Variants in FDPS observed in about 807,000 individuals in gnomAD.
FDPS encodes the protein farnesyl pyrophosphate synthase.
FDPS carries 29 observed loss-of-function variants against 49.5 expected under a neutral mutation model. The ratio of observed to expected loss-of-function variants is 0.59; its 90% confidence interval spans 0.44 to 0.80. The LOEUF (loss-of-function observed/expected upper bound fraction) is 0.80. FDPS is among the 30% of genes least tolerant of loss of function. The pLI is 0.00. For missense variants in FDPS, 414 were observed against 525.6 expected (o/e 0.79, Z 2.08); for synonymous variants, 172 against 206.4 (o/e 0.83, Z 1.43).
intron 4 of FDPS, among the ~76,000 whole-genome samples, chr1:155,316,441 G>A (rs1345968458): frequency 6.6e-6 from 1 of 152,056 alleles, no homozygotes; most frequent in East Asian, 1.9e-4. Flanking sequence ...AACATGACAA[G>A]ACCCTTGTCT....
chr1:155,318,632 G>A lies in FDPS; in HGVS notation c.685-33G>A. ...CCAGGGTTTCGCATATCTGGAGAAA[G>A]CCTGGCTCATGGACCGTCTTTGTCT... On this transcript the variant is annotated intron_variant, in intron 6 of 10. Coordinates refer to ENST00000368356, the MANE Select transcript of FDPS (RefSeq NM_002004.4). The surrounding 1 kb of genome is among the most constrained non-coding windows in gnomAD (Gnocchi z 4.2). 1.3e-6 allele frequency: 2 copies of A among 1,516,980 alleles called. No individual in the cohort carries two copies. The highest frequency in any genetic ancestry group is 1.8e-6 in the Non-Finnish European group (2 of 1,091,694). 94.0% of individuals were successfully genotyped at this position (1,516,980 alleles called of 1,614,324 possible). A position where few individuals can be genotyped will look rare whatever the true frequency, so the allele number is the denominator to read the frequency against.
chr1:155,315,496 G>C (rs1438005847), intron 4 of FDPS, among the ~76,000 whole-genome samples: 1 of 152,108 alleles, frequency 6.6e-6, no homozygotes, highest in Non-Finnish European at 1.5e-5. Flanking sequence ...TGGCTAACAT[G>C]GTGAAACCCC....
chr1:155,315,413 C>T (rs1007898194), intron 4 of FDPS, among the ~76,000 whole-genome samples: 9 of 152,202 alleles, frequency 5.9e-5, no homozygotes, highest in Admixed American at 2.0e-4. Flanking sequence ...GGCGCAGTGG[C>T]TCATGCCTGT....
intron 4 of FDPS, among the ~76,000 whole-genome samples, chr1:155,314,430 C>T (rs918341382): frequency 2.0e-5 from 3 of 151,764 alleles, no homozygotes. Context: ...CTGCCCATCT[C>T]GGCCTCCTAA....
Position 155,320,601 on chromosome 1 carries a change from A to G in FDPS, c.1252A>G (p.Arg418Gly), listed in dbSNP as rs773279259. Residue 418 changes from arginine to glycine, a missense_variant, in exon 11 of 11, where the codon AGA (arginine) becomes GGA (glycine). Transcript: ENST00000368356. ...GCTTGCGCGCAAAATCTACAAGCGG[A>G]GAAAGTGACCTAGAGATTGCAAGGG... ...LGLARKIYKR[R>G]K 1.9e-6 allele frequency: 3 copies of G among 1,614,154 alleles called. No homozygotes were observed. In the East Asian group the frequency reaches 6.7e-5, roughly 36 times the overall value.
rs1649692291 is a variant in FDPS, at chr1:155,318,119, A to G, written c.562-50A>G. 2.5e-6 allele frequency: 4 copies of G among 1,613,848 alleles called. No homozygotes were observed. The highest frequency in any genetic ancestry group is 1.7e-5 in the Admixed American group (1 of 59,998). ...AGGTGTTGGGGTGATGGCTCTTAGT[A>G]TGAACCGAGACTAGAGATTGATTGC... On this transcript the variant is annotated intron_variant, in intron 5 of 10. Transcript: ENST00000368356. The surrounding 1 kb of genome is among the most constrained non-coding windows in gnomAD (Gnocchi z 4.2).
At chr1:155,310,486 T>C (rs187080351) in intron 3 of FDPS, 169 of 373,562 alleles carry the variant, frequency 4.5e-4, no homozygotes, top group Admixed American at 6.8e-4. Context: ...AACTTTTGTA[T>C]TTTTAATAGA....
chr1:155,313,038 A>G (rs11264359), intron 4 of FDPS: 60,050 of 151,424 alleles, frequency 0.4, 14,282 homozygotes, highest in East Asian at 0.72. Context: ...CAGAAGCAGA[A>G]ATTGAAAACT....
At chr1:155,311,760 GTCAGTAGTTCGAAAC>G (rs1333827980) in intron 3 of FDPS, among the ~76,000 whole-genome samples, 1 of 152,070 alleles carries the variant, frequency 6.6e-6, no homozygotes, top group Non-Finnish European at 1.5e-5. Context: ...ATGACTTGAG[GTCAGTAGTTCGAAAC>G]CAGCCTAGCC....
In FDPS at chr1:155,319,686, C is replaced by A. The variant is rs1650033592; in HGVS notation, c.922C>A (p.Gln308Lys). ...GGAGATGGGGGAGTTCTTTCAGATTCAGGTAAGAAGGCAGGAGGCAGTAGC... is the reference window on the plus strand; with the variant it reads ...GGAGATGGGGGAGTTCTTTCAGATTAAGGTAAGAAGGCAGGAGGCAGTAGC... ...LLEMGEFFQI[Q>K]DDYLDLFGDP... Residue 308 changes from glutamine to lysine, a missense_variant and splice_region_variant, in exon 9 of 11, where the codon CAG becomes AAG. Coordinates refer to ENST00000368356, the MANE Select transcript of FDPS (RefSeq NM_002004.4). The A allele has an allele frequency of 6.2e-7, 1 of 1,614,044 alleles. No homozygotes were observed. Among genetic ancestry groups the A allele is most frequent in the Non-Finnish European group, 8.5e-7 (1 of 1,180,030 alleles).
At chr1:155,312,704 G>A (rs1648928452) in intron 4 of FDPS, 1 of 240,298 alleles carries the variant, frequency 4.2e-6, no homozygotes. Flanking sequence ...GAGGAGGCCG[G>A]GCATGGTGGC....
Position 155,318,800 on chromosome 1 carries a change from G to A in FDPS, c.773+47G>A, listed in dbSNP as rs1450286393. On this transcript the variant is annotated intron_variant, in intron 7 of 10. Transcript: ENST00000368356. This position sits in a 1 kb window ranked among gnomAD's most constrained non-coding sequence, Gnocchi z 4.2. Reference sequence around the variant, plus strand: ...CGCGAACCATGTCTGGACAGCGAGGGAGGGCTCAGGATGTGCATTGCCCTC... The same window carrying A: ...CGCGAACCATGTCTGGACAGCGAGGAAGGGCTCAGGATGTGCATTGCCCTC... The A allele has an allele frequency of 2.5e-6, 4 of 1,588,672 alleles. No individual in the cohort carries two copies. The African/African-American group carries it at 4.0e-5, about 16-fold the overall frequency.
Position 155,320,328 on chromosome 1 carries a change from T to C in FDPS, c.1060-81T>C, listed in dbSNP as rs1051611050. ...GGGTGGCTTTGGAGATGTTCTGGAA[T>C]ATGTGAATGAGGGGAGTGGAGGGGT... is the stretch of plus-strand genomic sequence containing the variant. On this transcript the variant is annotated intron_variant, in intron 10 of 10. Coordinates refer to ENST00000368356, the MANE Select transcript of FDPS (RefSeq NM_002004.4). 4 of 1,153,114 alleles carry C rather than the reference T, an allele frequency of 3.5e-6. No homozygotes were observed. In the East Asian group the frequency reaches 1.0e-4, roughly 29 times the overall value. The allele number at this position is 1,153,114 out of a possible 1,614,324, so 71.4% of individuals were successfully genotyped here.
chr1:155,318,360 C>T lies in FDPS; in HGVS notation c.684+69C>T. On this transcript the variant is annotated intron_variant, in intron 6 of 10. Transcript: ENST00000368356. This position sits in a 1 kb window ranked among gnomAD's most constrained non-coding sequence, Gnocchi z 4.2. ...AGCCTTGGCCTCTATAGGACATGCT[C>T]ATCTAGCTGGTTTCAGGGTACAGGA... The T allele has an allele frequency of 7.0e-6, 11 of 1,582,516 alleles. No individual in the cohort carries two copies. Among genetic ancestry groups the T allele is most frequent in the Non-Finnish European group, 8.6e-6 (10 of 1,164,380 alleles).
intron 3 of FDPS, among the ~76,000 whole-genome samples, chr1:155,311,745 G>T (rs888499421): frequency 1.3e-5 from 2 of 152,108 alleles, no homozygotes; most frequent in African/African-American, 4.8e-5. Flanking sequence ...GGCCAAGGCG[G>T]GTGGATGACT....
At chr1:155,312,604 T>C (rs1031395572) in intron 4 of FDPS, 85 of 572,932 alleles carry the variant, frequency 1.5e-4, no homozygotes, top group Admixed American at 2.9e-4. Flanking sequence ...TGGCTGTAGA[T>C]AGTTGTAGAC....
In FDPS at chr1:155,320,585, C is replaced by A. The variant is rs928106818; in HGVS notation, c.1236C>A (p.Arg412=). ...CAGCCGTCTTTCTGGGGCTTGCGCGCAAAATCTACAAGCGGAGAAAGTGAC... is the reference window on the plus strand; with the variant it reads ...CAGCCGTCTTTCTGGGGCTTGCGCGAAAAATCTACAAGCGGAGAAAGTGAC... The part of the protein sequence containing the change: ...LPPAVFLGLA[R]KIYKRRK Residue 412 remains arginine (R), a synonymous_variant, in exon 11 of 11, where the codon CGC becomes CGA. Coordinates refer to ENST00000368356, the MANE Select transcript of FDPS (RefSeq NM_002004.4). 8 of 1,614,072 alleles carry A rather than the reference C, an allele frequency of 5.0e-6. No individual in the cohort carries two copies. In the African/African-American group the frequency reaches 9.3e-5, roughly 19 times the overall value.
At position 155,318,591 on chromosome 1, in the gene FDPS, T is replaced by C; in HGVS notation, c.685-74T>C. 1 of 1,174,544 alleles carries C rather than the reference T, an allele frequency of 8.5e-7. No individual in the cohort carries two copies. The highest frequency in any genetic ancestry group is 1.3e-6 in the Non-Finnish European group (1 of 784,760). 72.8% of individuals were successfully genotyped at this position (1,174,544 alleles called of 1,614,324 possible). On this transcript the variant is annotated intron_variant, in intron 6 of 10. Transcript: ENST00000368356. This position sits in a 1 kb window ranked among gnomAD's most constrained non-coding sequence, Gnocchi z 4.2. The stretch of plus-strand genomic sequence containing the variant: ...TGCCCAGTTGTCAGCTGGTATGGGA[T>C]GTTGGGCTTGGGATACCAGGGTTTC...
At position 155,318,099 on chromosome 1, in the gene FDPS, T is replaced by C; in HGVS notation, c.562-70T>C. The C allele has an allele frequency of 6.2e-7, 1 of 1,612,680 alleles. No homozygotes were observed. Among genetic ancestry groups the C allele is most frequent in the Non-Finnish European group, 8.5e-7 (1 of 1,178,860 alleles). Reference sequence around the variant, plus strand: ...GGTTATATATGGCCTGGTTGAGGTGTTGGGGTGATGGCTCTTAGTATGAAC... The same window carrying C: ...GGTTATATATGGCCTGGTTGAGGTGCTGGGGTGATGGCTCTTAGTATGAAC... On this transcript the variant is annotated intron_variant, in intron 5 of 10. Transcript: ENST00000368356. This position sits in a 1 kb window ranked among gnomAD's most constrained non-coding sequence, Gnocchi z 4.2.
Sources: allele counts gnomAD v4.1 joint callset (sites outside exome capture counted in the v4.1 genomes callset), GRCh38; gene constraint gnomAD v4.1.1; non-coding constraint Gnocchi (gnomAD v3.1); transcripts MANE v1.5; gene names NCBI Gene and HGNC (gene_info 2026-07-23, HGNC 2026-07-21).